The following JMY variants were observed in gnomAD, a reference collection of about 807,000 sequenced individuals.
JMY encodes the protein junction mediating and regulatory protein, p53 cofactor, also known as junction-mediating and -regulatory protein.
In JMY, 46 loss-of-function variants were observed where a neutral mutation model predicts 103.3. The ratio of observed to expected loss-of-function variants is 0.45; its 90% CI spans 0.35 to 0.57. The LOEUF (loss-of-function observed/expected upper bound fraction) is 0.57. JMY is among the 20% of genes least tolerant of loss of function. The pLI is 0.00. For synonymous variants in JMY, 526 were observed against 489.3 expected (o/e 1.07, Z -0.99); for missense variants, 1,238 against 1,255.2 (o/e 0.99, Z 0.21).
intron 1 of JMY, among the ~76,000 whole-genome samples, chr5:79,248,698 C>T (rs139939796): frequency 3.9e-5 from 6 of 152,032 alleles, no homozygotes; most frequent in African/African-American, 1.4e-4. Flanking sequence ...TCTGACTAGT[C>T]CAGAAGGGAG....
chr5:79,301,573 A>G (rs141561935), intron 6 of JMY, among the ~76,000 whole-genome samples: 87 of 152,352 alleles, frequency 5.7e-4, no homozygotes, highest in African/African-American at 2.0e-3. Flanking sequence ...GCTCTTGCAC[A>G]TTAAAGAAAC....
intron 2 of JMY, among the ~76,000 whole-genome samples, chr5:79,279,070 A>G (rs1377161601): frequency 2.0e-5 from 3 of 152,188 alleles, no homozygotes; most frequent in Admixed American, 6.5e-5. Context: ...GGCATGGATC[A>G]TGCCTGTAAT....
At chr5:79,309,031 T>C (rs936472892) in intron 7 of JMY, among the ~76,000 whole-genome samples, 1 of 151,760 alleles carries the variant, frequency 6.6e-6, no homozygotes, top group Admixed American at 6.5e-5. Context: ...AACAATTGAC[T>C]TTTGTTAATT....
chr5:79,241,012 TG>T (rs1216430506), intron 1 of JMY, among the ~76,000 whole-genome samples: 2 of 152,246 alleles, frequency 1.3e-5, no homozygotes, highest in African/African-American at 4.8e-5. Flanking sequence ...CTTAGTCCTT[TG>T]GTCACTTACA....
At chr5:79,260,452 C>G (rs1414396407) in intron 1 of JMY, among the ~76,000 whole-genome samples, 1 of 152,236 alleles carries the variant, frequency 6.6e-6, no homozygotes, top group Non-Finnish European at 1.5e-5. Context: ...TTGATCTTGC[C>G]TCACTGCAGC....
At chr5:79,305,892 A>G (rs928112871) in intron 6 of JMY, among the ~76,000 whole-genome samples, 2 of 152,146 alleles carry the variant, frequency 1.3e-5, no homozygotes, top group Non-Finnish European at 1.5e-5. Context: ...TTGCCCAGAC[A>G]TGTTTAAAGA....
intron 7 of JMY, among the ~76,000 whole-genome samples, chr5:79,308,898 T>C (rs1029032260): frequency 6.6e-6 from 1 of 152,160 alleles, no homozygotes; most frequent in African/African-American, 2.4e-5. Flanking sequence ...TGTACACCTT[T>C]TGTAAGATTT....
chr5:79,280,342 T>C (rs564615106), intron 2 of JMY, among the ~76,000 whole-genome samples: 1 of 152,324 alleles, frequency 6.6e-6, no homozygotes, highest in East Asian at 1.9e-4. Flanking sequence ...ATGATTTGTA[T>C]TGGGTATTAA....
In JMY at chr5:79,237,449, T is replaced by TG; in HGVS notation, c.801dup (p.Thr268AspfsTer48). 6.2e-7 allele frequency: 1 copy of TG among 1,613,596 alleles called. No homozygotes were observed. Among genetic ancestry groups the TG allele is most frequent in the Non-Finnish European group, 8.5e-7 (1 of 1,179,906 alleles). ...GTTCCCCGAGGAACCTTCGGGCATG[T>TG]GGACTGTGCTGTTTGGGGGCGCCCC... On this transcript the variant is annotated frameshift_variant, in exon 1 of 11. Coordinates refer to ENST00000396137, the MANE Select transcript of JMY (RefSeq NM_152405.5). LOFTEE classifies it high-confidence loss of function.
intron 7 of JMY, among the ~76,000 whole-genome samples, chr5:79,309,978 G>A (rs1733119202): frequency 6.6e-6 from 1 of 150,710 alleles, no homozygotes; most frequent in Non-Finnish European, 1.5e-5. Context: ...TAGAATGAAT[G>A]AGTATCAGAT....
chr5:79,262,845 A>C (rs1745466154), intron 1 of JMY, among the ~76,000 whole-genome samples: 1 of 152,226 alleles, frequency 6.6e-6, no homozygotes, highest in Non-Finnish European at 1.5e-5. Flanking sequence ...TAATGTTTGG[A>C]TAGAGTAACT....
At chr5:79,253,961 T>G (rs930891780) in intron 1 of JMY, among the ~76,000 whole-genome samples, 1 of 148,138 alleles carries the variant, frequency 6.8e-6, no homozygotes, top group Non-Finnish European at 1.5e-5. Flanking sequence ...TTTTTTTTTT[T>G]TTTAAAGACA....
rs1746408686 is a variant in JMY at position 79,291,161 on chromosome 5, G to A, written c.1389G>A (p.Lys463=). 6.2e-7 allele frequency: 1 copy of A among 1,609,358 alleles called. No individual in the cohort carries two copies. The highest frequency in any genetic ancestry group is 8.5e-7 in the Non-Finnish European group (1 of 1,178,726). ...ATGATCGAATGCGAGCTGATCAGAA[G>A]AAATTTGGTAAAGCATCATGGGCAG... ...AVYDRMRADQ[K]KFGKASWAAA... The change falls in exon 4 of 11, where the codon AAG becomes AAA. Residue 463 remains lysine, a synonymous_variant. Transcript: ENST00000396137.
intron 4 of JMY, among the ~76,000 whole-genome samples, chr5:79,297,571 T>C (rs1424691980): frequency 1.3e-5 from 2 of 152,224 alleles, no homozygotes; most frequent in African/African-American, 2.4e-5. Flanking sequence ...CATTGAAGAT[T>C]AGATAGACCT....
In JMY at chr5:79,252,747, A is replaced by G. The variant is rs535815023; in HGVS notation, c.1032+15065A>G. ...GTCTCTAGTTGTTGTCTTGAAATCT[A>G]TTTTGTCTAAGTATAGCTATTCCTG... On this transcript the variant is annotated intron_variant, in intron 1 of 10. Transcript: ENST00000396137. Among the ~76,000 whole-genome samples, 12 of 152,172 alleles carry G rather than the reference A, an allele frequency of 7.9e-5. No homozygotes were observed. In the South Asian group the frequency reaches 8.3e-4, roughly 11 times the overall value.
intron 1 of JMY, among the ~76,000 whole-genome samples, chr5:79,269,592 C>T (rs1176185798): frequency 6.6e-6 from 1 of 152,134 alleles, no homozygotes; most frequent in Non-Finnish European, 1.5e-5. Flanking sequence ...CTTAGATCTA[C>T]TTTGATTTCC....
intron 2 of JMY, among the ~76,000 whole-genome samples, chr5:79,278,528 G>A (rs1240127925): frequency 8.0e-6 from 1 of 124,670 alleles, no homozygotes; most frequent in Non-Finnish European, 1.6e-5. Flanking sequence ...GAGGCAAGAG[G>A]ATCACTTGAG....
At chr5:79,265,158 T>C (rs1341903927) in intron 1 of JMY, among the ~76,000 whole-genome samples, 2 of 152,170 alleles carry the variant, frequency 1.3e-5, no homozygotes, top group Admixed American at 6.5e-5. Context: ...TCTCCTGACC[T>C]CGTGATCCGC....
intron 1 of JMY, among the ~76,000 whole-genome samples, chr5:79,239,505 C>G (rs973983535): frequency 6.6e-6 from 1 of 152,180 alleles, no homozygotes; most frequent in Admixed American, 6.5e-5. Flanking sequence ...TTTTTGGATA[C>G]TCAGAAAAAG....
Sources: gnomAD v4.1 joint callset for allele counts (sites outside exome capture counted in the v4.1 genomes callset) on GRCh38, gnomAD v4.1.1 for gene constraint, MANE v1.5 for transcripts, NCBI Gene and HGNC (gene_info 2026-07-23, HGNC 2026-07-21) for gene names.